FILIP1: variants seen among roughly 807,000 people sequenced by gnomAD.
The protein encoded by FILIP1 is filamin-A-interacting protein 1.
FILIP1 carries 61 observed loss-of-function variants against 102.1 expected under a neutral mutation model. The ratio of observed to expected loss-of-function variants is 0.60; its 90% CI spans 0.49 to 0.74. FILIP1 has a LOEUF of 0.74. Among genes scored for constraint, FILIP1 ranks in the 30% least tolerant of loss-of-function variants. The pLI is 0.00. For synonymous variants in FILIP1, 491 were observed against 526.9 expected, an observed-to-expected ratio of 0.93 and a Z score of 0.93; for missense variants, 1,314 against 1,441.2, an observed-to-expected ratio of 0.91 and a Z score of 1.43.
intron 2 of FILIP1, among the ~76,000 whole-genome samples, chr6:75,366,697 T>A (rs1462831732): frequency 6.6e-6 from 1 of 152,238 alleles, no homozygotes; most frequent in African/African-American, 2.4e-5. Context: ...TAGGTCTCCA[T>A]GATTAAATAA....
intron 1 of FILIP1, among the ~76,000 whole-genome samples, chr6:75,486,999 T>C (rs975482613): frequency 6.6e-6 from 1 of 152,056 alleles, no homozygotes; most frequent in African/African-American, 2.4e-5. Flanking sequence ...GCAGCTGACT[T>C]CCTTAAAGAC....
chr6:75,478,027 A>G (rs1483718430), intron 1 of FILIP1, among the ~76,000 whole-genome samples: 1 of 152,196 alleles, frequency 6.6e-6, no homozygotes, highest in Non-Finnish European at 1.5e-5. Context: ...ATTAAATATG[A>G]TGCTTGGACT....
At chr6:75,461,436 T>C (rs961691798) in intron 1 of FILIP1, among the ~76,000 whole-genome samples, 4 of 152,186 alleles carry the variant, frequency 2.6e-5, no homozygotes, top group Non-Finnish European at 4.4e-5. Flanking sequence ...TATGTTCACG[T>C]ATATATTTTT....
In FILIP1 at chr6:75,313,071, T is replaced by C; in HGVS notation, c.2761A>G (p.Ser921Gly). 1 of 1,614,226 alleles carries C rather than the reference T, an allele frequency of 6.2e-7. No homozygotes were observed. The highest frequency in any genetic ancestry group is 8.5e-7 in the Non-Finnish European group (1 of 1,180,034). Residue 921 changes from serine (S) to glycine (G), a missense_variant, in exon 5 of 6, where the codon AGC becomes GGC. Around this residue, in one of 3 missense-constraint regions of FILIP1, gnomAD observed 816 missense variants for 913.1 expected, o/e 0.89. Transcript: ENST00000237172. The surrounding 1 kb of genome is among the most constrained non-coding windows in gnomAD (Gnocchi z 4.2). Reference protein sequence around the residue: ...HIRVTPDHENSTATLEITSPT... With the variant: ...HIRVTPDHENGTATLEITSPT... ...CTTGTTATCTCCAAAGTCGCAGTGC[T>C]GTTCTCGTGGTCTGGTGTCACTCGA...
At chr6:75,403,048 C>A (rs1776709580) in intron 2 of FILIP1, among the ~76,000 whole-genome samples, 1 of 151,896 alleles carries the variant, frequency 6.6e-6, no homozygotes, top group Admixed American at 6.6e-5. Flanking sequence ...TTTTTTTGGG[C>A]AACAAGGTGT....
At chr6:75,469,366 T>C (rs2149761447) in intron 1 of FILIP1, among the ~76,000 whole-genome samples, 1 of 152,122 alleles carries the variant, frequency 6.6e-6, no homozygotes, top group African/African-American at 2.4e-5. Context: ...ACAAATACAA[T>C]TTATAATTTT....
intron 2 of FILIP1, among the ~76,000 whole-genome samples, chr6:75,391,454 C>G (rs553975655): frequency 4.6e-5 from 7 of 152,240 alleles, no homozygotes; most frequent in African/African-American, 7.2e-5. Flanking sequence ...AATCACACAT[C>G]TACCCCATTG....
At chr6:75,353,509 G>C in intron 4 of FILIP1, 30 bp downstream of exon 4, 1 of 1,612,356 alleles carries the variant, frequency 6.2e-7, no homozygotes, top group Non-Finnish European at 8.5e-7. Flanking sequence ...TGGGCATCCA[G>C]ATGTGACTGG....
At chr6:75,434,230 T>G (rs1489319653) in intron 1 of FILIP1, among the ~76,000 whole-genome samples, 2 of 152,188 alleles carry the variant, frequency 1.3e-5, no homozygotes, top group Non-Finnish European at 2.9e-5. Flanking sequence ...GTAAAGACAG[T>G]CATTGGTAGC....
Position 75,362,880 on chromosome 6 carries a change from T to A in FILIP1, c.314A>T (p.Lys105Ile), listed in dbSNP as rs557336397. 3 of 1,614,100 alleles carry A rather than the reference T, an allele frequency of 1.9e-6. No individual in the cohort carries two copies. Among genetic ancestry groups the A allele is most frequent in the Admixed American group, 3.3e-5 (2 of 60,024 alleles). The change falls in exon 3 of 6, where the codon AAA becomes ATA. Residue 105 changes from lysine to isoleucine, a missense_variant. Lys to Ile is a moderately radical substitution (Grantham distance 102). This residue lies in a region of FILIP1 where 494 missense variants were observed against 511.2 expected (regional missense o/e 0.97). Transcript: ENST00000237172. ...AGCCTCCAGAACCTCAGGCTTGGTT[T>A]TCTCTGTCTTCAGCATGTGGATCAC... ...EDVIHMLKTE[K>I]TKPEVLEAHY... is the part of the protein sequence containing the mutation.
chr6:75,462,948 G>C (rs1442101770), intron 1 of FILIP1, among the ~76,000 whole-genome samples: 1 of 152,178 alleles, frequency 6.6e-6, no homozygotes, highest in Non-Finnish European at 1.5e-5. Flanking sequence ...AGGGGTCAAA[G>C]ACTGTAGCTA....
chr6:75,316,086 A>T (rs1168854805), intron 4 of FILIP1, among the ~76,000 whole-genome samples: 1 of 152,212 alleles, frequency 6.6e-6, no homozygotes, highest in Non-Finnish European at 1.5e-5. Flanking sequence ...CAGCCACAGG[A>T]ATTATTGTTT....
At chr6:75,378,565 A>T (rs1405307093) in intron 2 of FILIP1, among the ~76,000 whole-genome samples, 7 of 152,144 alleles carry the variant, frequency 4.6e-5, no homozygotes, top group African/African-American at 1.7e-4. Context: ...TTGTGACTGG[A>T]GGGGGTTATG....
chr6:75,312,925 A>G lies in FILIP1; in HGVS notation c.2907T>C (p.Asp969=). 1.9e-6 allele frequency: 3 copies of G among 1,614,128 alleles called. No individual in the cohort carries two copies. The highest frequency in any genetic ancestry group is 2.5e-6 in the Non-Finnish European group (3 of 1,180,022). The change falls in exon 5 of 6, where the codon GAT becomes GAC. Residue 969 remains aspartate, a synonymous_variant. Transcript: ENST00000237172. The part of the protein sequence containing the change: ...NVMPQKQKSG[D]TTLGPERAMS... ...TGGCTCGTTCTGGGCCAAGAGTAGT[A>G]TCTCCACTTTTTTGTTTTTGAGGCA...
intron 2 of FILIP1, among the ~76,000 whole-genome samples, chr6:75,412,932 A>G (rs974540599): frequency 2.1e-4 from 32 of 152,178 alleles, no homozygotes; most frequent in African/African-American, 6.8e-4. Context: ...TCAAGAATAT[A>G]TCTATTGTGT....
intron 2 of FILIP1, among the ~76,000 whole-genome samples, chr6:75,392,618 T>C (rs1776312329): frequency 6.6e-6 from 1 of 152,138 alleles, no homozygotes; most frequent in African/African-American, 2.4e-5. Flanking sequence ...CTACACAATT[T>C]ATACAAAATC....
chr6:75,377,315 T>A (rs1775780253), intron 2 of FILIP1, among the ~76,000 whole-genome samples: 1 of 152,232 alleles, frequency 6.6e-6, no homozygotes, highest in Non-Finnish European at 1.5e-5. Flanking sequence ...TATTTGGCCT[T>A]ACAAGGCCTG....
chr6:75,347,811 A>G (rs1360527130), intron 4 of FILIP1, among the ~76,000 whole-genome samples: 1 of 152,216 alleles, frequency 6.6e-6, no homozygotes, highest in Non-Finnish European at 1.5e-5. Context: ...AAGGAAGAAT[A>G]CCAAAATGGG....
chr6:75,475,951 G>A (rs1383859627), intron 1 of FILIP1, among the ~76,000 whole-genome samples: 1 of 152,066 alleles, frequency 6.6e-6, no homozygotes, highest in African/African-American at 2.4e-5. Flanking sequence ...TACATTAAAA[G>A]TAACATTGGC....
Sources: allele counts gnomAD v4.1 joint callset (sites outside exome capture counted in the v4.1 genomes callset), GRCh38; gene constraint gnomAD v4.1.1; regional missense constraint gnomAD v4.1.1; non-coding constraint Gnocchi (gnomAD v3.1); transcripts MANE v1.5; gene names NCBI Gene and HGNC (gene_info 2026-07-23, HGNC 2026-07-21).